The following RBFOX1 variants were observed in gnomAD, a reference collection of about 807,000 sequenced individuals.
RBFOX1 encodes RNA binding protein fox-1 homolog 1.
A neutral mutation model predicts 57.7 loss-of-function variants in RBFOX1; 8 were observed. That is an observed-to-expected ratio of 0.14 (90% CI 0.08 to 0.25). The LOEUF (loss-of-function observed/expected upper bound fraction) is 0.25. Among genes scored for constraint, RBFOX1 ranks in the 10% least tolerant of loss-of-function variants. RBFOX1 has a pLI of 1.00. For missense variants in RBFOX1, 611 were observed against 548.5 expected, an observed-to-expected ratio of 1.11 and a Z score of -1.14; for synonymous variants, 326 against 222.4, an observed-to-expected ratio of 1.47 and a Z score of -4.15.
At chr16:6,318,099 T>A (rs1281280193) in intron 2 of RBFOX1, among the ~76,000 whole-genome samples, 1 of 152,130 alleles carries the variant, frequency 6.6e-6, no homozygotes, top group South Asian at 2.1e-4. Context: ...GTCTTGGAAT[T>A]TGCATATTCA....
chr16:5,957,901 A>T (rs971982286), intron 4 of RBFOX1, among the ~76,000 whole-genome samples: 5 of 152,106 alleles, frequency 3.3e-5, no homozygotes, highest in African/African-American at 7.2e-5. Flanking sequence ...TATTAAGTAG[A>T]AGGTCTTATT....
intron 3 of RBFOX1, among the ~76,000 whole-genome samples, chr16:6,702,102 T>G (rs2061944764): frequency 1.3e-5 from 2 of 152,046 alleles, no homozygotes; most frequent in Admixed American, 6.6e-5. Flanking sequence ...AAAATAAAAG[T>G]TTAAAAAATT....
intron 5 of RBFOX1, among the ~76,000 whole-genome samples, chr16:7,567,300 G>A (rs56007812): frequency 1.4e-4 from 2 of 14,746 alleles, no homozygotes; most frequent in East Asian, 6.7e-4. Context: ...CTTATATATG[G>A]CCCTATATAT....
chr16:7,051,108 G>A (rs527683819), intron 3 of RBFOX1, among the ~76,000 whole-genome samples: 2 of 152,082 alleles, frequency 1.3e-5, no homozygotes, highest in African/African-American at 4.8e-5. Flanking sequence ...TGGAAGTCGG[G>A]AGTTGTTTCA....
At chr16:6,578,367 A>T (rs553424671) in intron 2 of RBFOX1, among the ~76,000 whole-genome samples, 32 of 152,272 alleles carry the variant, frequency 2.1e-4, no homozygotes, top group African/African-American at 7.5e-4. Context: ...GCAGTGGGTG[A>T]AAGTGTGTTG....
intron 5 of RBFOX1, chr16:7,519,794 G>A (rs2077130265): frequency 1.2e-6 from 1 of 858,488 alleles, no homozygotes; most frequent in Non-Finnish European, 1.4e-6. Flanking sequence ...TTTGAAGCAT[G>A]ATACATTTCC....
intron 3 of RBFOX1, among the ~76,000 whole-genome samples, chr16:6,871,969 C>T (rs775954306): frequency 5.7e-5 from 8 of 139,502 alleles, no homozygotes; most frequent in African/African-American, 1.9e-4. Flanking sequence ...GTGTTTCCCT[C>T]GGTAGAGTAT....
At chr16:7,638,857 C>A (rs1016455562) in intron 11 of RBFOX1, among the ~76,000 whole-genome samples, 4 of 152,044 alleles carry the variant, frequency 2.6e-5, no homozygotes, top group African/African-American at 9.7e-5. Context: ...TTTGTCAGGC[C>A]GTAATTCTTA....
intron 1 of RBFOX1, among the ~76,000 whole-genome samples, chr16:6,043,038 A>T (rs1408667437): frequency 6.7e-6 from 1 of 149,366 alleles, no homozygotes; most frequent in Non-Finnish European, 1.5e-5. Context: ...GAATCGCTTG[A>T]ACCTGGGAGG....
chr16:7,571,487 G>T (rs1445158898), intron 5 of RBFOX1, among the ~76,000 whole-genome samples: 1 of 152,214 alleles, frequency 6.6e-6, no homozygotes, highest in Non-Finnish European at 1.5e-5. Context: ...AGCAGAGGGA[G>T]CCCCGTGGTT....
chr16:7,294,912 A>C (rs112158970), intron 4 of RBFOX1, among the ~76,000 whole-genome samples: 4 of 152,290 alleles, frequency 2.6e-5, no homozygotes, highest in African/African-American at 9.6e-5. Flanking sequence ...TCCATCTCTT[A>C]TTAGAAGGAT....
intron 2 of RBFOX1, among the ~76,000 whole-genome samples, chr16:6,411,355 A>G (rs1340010314): frequency 6.6e-6 from 1 of 152,222 alleles, no homozygotes; most frequent in Non-Finnish European, 1.5e-5. Context: ...TAGCTTGATC[A>G]AAATGGCAAA....
chr16:6,899,383 C>G lies in RBFOX1; in HGVS notation c.-15-152674C>G, dbSNP rs140400600. The stretch of plus-strand genomic sequence containing the variant: ...TTTTCTTCTTCCCTAGGCATTAAGG[C>G]CCTCTTGGCTCAAAATTTTCATGAA... On this transcript the variant is annotated intron_variant, in intron 3 of 15. Transcript: ENST00000550418. Among the ~76,000 whole-genome samples, 96 of 152,296 alleles carry G rather than the reference C, an allele frequency of 6.3e-4. 1 individual carries two copies. Among genetic ancestry groups the G allele is most frequent in the African/African-American group, 2.2e-3 (91 of 41,570 alleles).
At chr16:6,867,704 C>A (rs1232977448) in intron 3 of RBFOX1, among the ~76,000 whole-genome samples, 2 of 152,084 alleles carry the variant, frequency 1.3e-5, no homozygotes, top group Admixed American at 1.3e-4. Context: ...AAGACTCTGT[C>A]TCAGAAGGAC....
chr16:7,682,493 A>C (rs554066323), intron 14 of RBFOX1, among the ~76,000 whole-genome samples: 1 of 151,426 alleles, frequency 6.6e-6, no homozygotes, highest in Non-Finnish European at 1.5e-5. Flanking sequence ...AGCCAAAGTC[A>C]TATCTCTGTG....
chr16:6,779,531 C>A (rs112427890), intron 3 of RBFOX1, among the ~76,000 whole-genome samples: 15 of 150,442 alleles, frequency 1.0e-4, no homozygotes, highest in African/African-American at 3.2e-4. Flanking sequence ...GAATATATAC[C>A]CAACAGTGAG....
chr16:5,807,562 CGT>C (rs2055272371), intron 3 of RBFOX1, among the ~76,000 whole-genome samples: 1 of 151,232 alleles, frequency 6.6e-6, no homozygotes, highest in Non-Finnish European at 1.5e-5. Flanking sequence ...ATTATAGCCT[CGT>C]TATAACTTAA....
At chr16:6,725,719 C>G (rs1016277) in intron 3 of RBFOX1, among the ~76,000 whole-genome samples, 1 of 151,932 alleles carries the variant, frequency 6.6e-6, no homozygotes, top group African/African-American at 2.4e-5. Context: ...ACTCTATATT[C>G]AGGGTAGATT....
At chr16:7,420,960 CAT>C (rs540217288) in intron 4 of RBFOX1, among the ~76,000 whole-genome samples, 112 of 145,806 alleles carry the variant, frequency 7.7e-4, no homozygotes, top group Admixed American at 3.4e-3. Flanking sequence ...CACACACACA[CAT>C]ATATATATAT....
Sources: allele counts gnomAD v4.1 joint callset (sites outside exome capture counted in the v4.1 genomes callset), GRCh38; gene constraint gnomAD v4.1.1; transcripts MANE v1.5; gene names NCBI Gene and HGNC (gene_info 2026-07-23, HGNC 2026-07-21).